Variants in CLIP1 observed in about 807,000 individuals in gnomAD.
The protein encoded by CLIP1 is CAP-Gly domain containing linker protein 1, also known as CAP-Gly domain-containing linker protein 1.
Under a neutral mutation model 161.6 loss-of-function variants are expected in CLIP1, and 66 were observed. The ratio of observed to expected loss-of-function variants is 0.41; its 90% CI spans 0.33 to 0.50. The LOEUF is 0.50. Among genes scored for constraint, CLIP1 ranks in the 20% least tolerant of loss-of-function variants. CLIP1 has a pLI of 0.27. For missense variants in CLIP1, 1,376 were observed against 1,702.0 expected (o/e 0.81, Z 3.37); for synonymous variants, 598 against 626.2 (o/e 0.96, Z 0.67).
intron 2 of CLIP1, 92 bp downstream of exon 2, chr12:122,380,276 G>A: frequency 1.4e-6 from 1 of 725,816 alleles, no homozygotes; most frequent in Non-Finnish European, 2.2e-6. Flanking sequence ...ATATTTTCAA[G>A]AATATGAACA....
intron 6 of CLIP1, 53 bp from the exon 7 acceptor site, chr12:122,354,609 C>T: frequency 7.2e-7 from 1 of 1,394,716 alleles, no homozygotes; most frequent in Non-Finnish European, 1.0e-6. Flanking sequence ...CAGATACAGA[C>T]CCAGTGATAC....
intron 17 of CLIP1, among the ~76,000 whole-genome samples, chr12:122,324,936 T>G (rs1951650442): frequency 6.6e-6 from 1 of 152,142 alleles, no homozygotes; most frequent in African/African-American, 2.4e-5. Context: ...AACTACAGCC[T>G]AATTTCTAGG....
At chr12:122,369,384 C>T (rs1954321352) in intron 3 of CLIP1, among the ~76,000 whole-genome samples, 2 of 151,944 alleles carry the variant, frequency 1.3e-5, no homozygotes, top group South Asian at 4.2e-4. Flanking sequence ...CTTCCAGCAA[C>T]TCTCCTACAG....
chr12:122,342,544 T>C (rs1367822216), intron 10 of CLIP1: 1 of 152,160 alleles, frequency 6.6e-6, no homozygotes, highest in East Asian at 1.9e-4. Context: ...ACAAAATGTC[T>C]TGTGGGCCAA....
chr12:122,354,419 G>C (rs1465469969), intron 7 of CLIP1, 34 bp downstream of exon 7: 1 of 1,551,062 alleles, frequency 6.4e-7, no homozygotes, highest in South Asian at 1.1e-5. Context: ...AGGGGGAAAG[G>C]CCACACTTGC....
chr12:122,411,913 T>C (rs957004237), intron 1 of CLIP1, among the ~76,000 whole-genome samples: 3 of 152,102 alleles, frequency 2.0e-5, no homozygotes, highest in Non-Finnish European at 4.4e-5. Context: ...GGTGCATAAC[T>C]GCGAATATAC....
At chr12:122,296,983 G>C (rs2136375700) in intron 20 of CLIP1, among the ~76,000 whole-genome samples, 1 of 151,564 alleles carries the variant, frequency 6.6e-6, no homozygotes, top group East Asian at 1.9e-4. Context: ...GAGATTCATT[G>C]TACTGCTCAC....
intron 1 of CLIP1, among the ~76,000 whole-genome samples, chr12:122,391,162 C>T (rs1227235665): frequency 1.3e-5 from 2 of 152,014 alleles, no homozygotes; most frequent in Admixed American, 1.3e-4. Context: ...GTGGCGGGCA[C>T]CTGTAATCCC....
At chr12:122,291,919 T>C (rs1036530203) in intron 20 of CLIP1, among the ~76,000 whole-genome samples, 1 of 152,222 alleles carries the variant, frequency 6.6e-6, no homozygotes, top group Non-Finnish European at 1.5e-5. Context: ...ATATGATGAT[T>C]GTATGACTCT....
chr12:122,359,059 C>CA (rs1566169724), intron 5 of CLIP1, among the ~76,000 whole-genome samples: 2 of 151,604 alleles, frequency 1.3e-5, no homozygotes, highest in African/African-American at 4.8e-5. Context: ...GACTCCATCT[C>CA]AAAAAAATAA....
intron 1 of CLIP1, among the ~76,000 whole-genome samples, chr12:122,389,927 GCTGT>G (rs1254515339): frequency 6.6e-6 from 1 of 150,594 alleles, no homozygotes; most frequent in Non-Finnish European, 1.5e-5. Flanking sequence ...ATGGCTAGGT[GCTGT>G]CTTTTTGACA....
At position 122,319,264 on chromosome 12, in the gene CLIP1, T is replaced by C; in HGVS notation, c.3334A>G (p.Thr1112Ala). 2 of 1,613,648 alleles carry C rather than the reference T, an allele frequency of 1.2e-6. No homozygotes were observed. The highest frequency in any genetic ancestry group is 1.7e-6 in the Non-Finnish European group (2 of 1,179,470). ...TGTAGTTTTGCATTTGTTTGCTTGG[T>C]GTCCTCCAAGGAGGCCAGAGTCTCA... ...KTETLASLEDTKQTNAKLQNE... is the reference protein window; with the variant it reads ...KTETLASLEDAKQTNAKLQNE... The change falls in exon 18 of 26, where the codon ACC becomes GCC. Residue 1112 changes from threonine to alanine, a missense_variant. Around this residue, in one of 6 missense-constraint regions of CLIP1, gnomAD observed 948 missense variants for 1,134.8 expected, o/e 0.84. Coordinates refer to ENST00000620786, the MANE Select transcript of CLIP1 (RefSeq NM_001247997.2).
chr12:122,386,839 A>G lies in CLIP1; in HGVS notation c.-106-6281T>C, dbSNP rs1031803488. Among the ~76,000 whole-genome samples, 33 of 150,300 alleles carry G rather than the reference A, an allele frequency of 2.2e-4. No individual in the cohort carries two copies. In the Middle Eastern group the frequency reaches 0.014, roughly 62 times the overall value. Reference sequence around the variant, plus strand: ...AATATGTCTCAAAAAAAAAAAAAAAAAGAGAGAGAGATTCTGAGCTTACAA... The same window carrying G: ...AATATGTCTCAAAAAAAAAAAAAAAGAGAGAGAGAGATTCTGAGCTTACAA... On this transcript the variant is annotated intron_variant, in intron 1 of 25. Coordinates refer to ENST00000620786, the MANE Select transcript of CLIP1 (RefSeq NM_001247997.2).
At position 122,321,528 on chromosome 12, in the gene CLIP1, C is replaced by CT. The variant is rs1194931118; in HGVS notation, c.3250-2181dup. Among the ~76,000 whole-genome samples, 64 of 148,686 alleles carry CT rather than the reference C, an allele frequency of 4.3e-4. 1 individual carries two copies. Among genetic ancestry groups the CT allele is most frequent in the African/African-American group, 1.5e-3 (59 of 40,390 alleles). ...CCGTGAGCCACCACACCTGGCTGTTCTTTTTTTTTAGATGGGGTCTCGCTC... is the reference window on the plus strand; with the variant it reads ...CCGTGAGCCACCACACCTGGCTGTTCTTTTTTTTTTAGATGGGGTCTCGCTC... On this transcript the variant is annotated intron_variant, in intron 17 of 25. Transcript: ENST00000620786.
At chr12:122,387,081 G>A (rs1955307240) in intron 1 of CLIP1, among the ~76,000 whole-genome samples, 2 of 152,006 alleles carry the variant, frequency 1.3e-5, no homozygotes, top group Admixed American at 6.6e-5. Context: ...TTGTAGAGAT[G>A]GGGTTTCTCC....
At chr12:122,353,880 C>G (rs1593140986) in intron 7 of CLIP1, among the ~76,000 whole-genome samples, 1 of 151,906 alleles carries the variant, frequency 6.6e-6, no homozygotes, top group African/African-American at 2.4e-5. Context: ...ATCCACCCGC[C>G]TCAGCCTCCC....
At chr12:122,369,131 G>C (rs1234078716) in intron 3 of CLIP1, among the ~76,000 whole-genome samples, 1 of 151,530 alleles carries the variant, frequency 6.6e-6, no homozygotes, top group Non-Finnish European at 1.5e-5. Context: ...AGATTTTCCT[G>C]CCTCAGCCTC....
rs188141851 is a variant in CLIP1, at chr12:122,282,536, A to C, written c.3648-3391T>G. 3.9e-3 allele frequency among the ~76,000 whole-genome samples: 594 copies of C among 152,314 alleles called. 9 individuals are homozygous for C. The highest frequency in any genetic ancestry group is 0.012 in the African/African-American group (519 of 41,580). On this transcript the variant is annotated intron_variant, in intron 21 of 25. Transcript: ENST00000620786. ...CTTAAAGTGTTACTGGGCAAGCTTT[A>C]AAAATGCAAGATAACAAGAACCAAA...
At chr12:122,274,465 T>C (rs1459744679) in intron 24 of CLIP1, 3 of 181,116 alleles carry the variant, frequency 1.7e-5, no homozygotes, top group African/African-American at 7.1e-5. Context: ...TATTTTATAT[T>C]TTAAAAAAAA....
Sources: gnomAD v4.1 joint callset for allele counts (sites outside exome capture counted in the v4.1 genomes callset) on GRCh38, gnomAD v4.1.1 for gene constraint, gnomAD v4.1.1 regional missense constraint, MANE v1.5 for transcripts, NCBI Gene and HGNC (gene_info 2026-07-23, HGNC 2026-07-21) for gene names.